TBC1D31: variants seen among roughly 807,000 people sequenced by gnomAD.
TBC1D31 encodes the protein WD repeat domain 67.
TBC1D31 carries 99 observed loss-of-function variants against 132.9 expected under a neutral mutation model. The ratio of observed to expected loss-of-function variants is 0.74; its 90% CI spans 0.63 to 0.88. TBC1D31 has a LOEUF of 0.88. TBC1D31 is among the 40% of genes least tolerant of loss of function. The pLI, the probability that TBC1D31 is intolerant of heterozygous loss-of-function variation, is 0.00. For synonymous variants in TBC1D31, 385 were observed against 419.4 expected (o/e 0.92, Z 1.00); for missense variants, 1,134 against 1,256.6 (o/e 0.90, Z 1.48).
chr8:123,149,270 ATTACT>A (rs1822552568), intron 20 of TBC1D31, among the ~76,000 whole-genome samples: 1 of 152,196 alleles, frequency 6.6e-6, no homozygotes, highest in African/African-American at 2.4e-5. Flanking sequence ...GATTAGTCAC[ATTACT>A]TTAATGACTC....
rs1270723724 is a variant in TBC1D31 at position 123,140,912 on chromosome 8, G to T, written c.2640+11G>T. 1 of 1,612,390 alleles carries T rather than the reference G, an allele frequency of 6.2e-7. No individual in the cohort carries two copies. The highest frequency in any genetic ancestry group is 8.5e-7 in the Non-Finnish European group (1 of 1,179,330). On this transcript the variant is annotated intron_variant, in intron 18 of 21. Coordinates refer to ENST00000287380, the MANE Select transcript of TBC1D31 (RefSeq NM_145647.4). ...CAGAAAACTCAGAAGGTAAAAATAT[G>T]ATCCATTTAGTATACATGCAGAGGA... is the stretch of plus-strand genomic sequence containing the variant.
chr8:123,090,707 C>T (rs534550684), intron 4 of TBC1D31, among the ~76,000 whole-genome samples: 3 of 152,094 alleles, frequency 2.0e-5, no homozygotes, highest in Admixed American at 6.5e-5. Context: ...CCAAGGCAGG[C>T]GGATCACTTG....
downstream of TBC1D31, among the ~76,000 whole-genome samples, chr8:123,155,285 G>GA (rs1822959482): frequency 6.6e-6 from 1 of 152,148 alleles, no homozygotes; most frequent in African/African-American, 2.4e-5. This position sits in a 1 kb window ranked among gnomAD's most constrained non-coding sequence, Gnocchi z 4.1. Context: ...CCCCAAACCT[G>GA]AAAAACTCTG....
At position 123,134,546 on chromosome 8, in the gene TBC1D31, AAAG is replaced by A. The variant is rs1420227376; in HGVS notation, c.2499+343_2499+345del. Among the ~76,000 whole-genome samples, 6 of 152,176 alleles carry A rather than the reference AAAG, an allele frequency of 3.9e-5. No homozygotes were observed. The East Asian group carries it at 1.2e-3, about 29-fold the overall frequency. On this transcript the variant is annotated intron_variant, in intron 17 of 21. Coordinates refer to ENST00000287380, the MANE Select transcript of TBC1D31 (RefSeq NM_145647.4). Reference sequence around the variant, plus strand: ...CTATCTCCAAAAAAAAAAGAAGGAAAAAGAAAAGCAGGGTTTGTATAAGCCCAT... The same window carrying A: ...CTATCTCCAAAAAAAAAAGAAGGAAAAAAAGCAGGGTTTGTATAAGCCCAT...
intron 1 of TBC1D31, among the ~76,000 whole-genome samples, chr8:123,076,099 G>A (rs1037597002): frequency 6.6e-6 from 1 of 151,856 alleles, no homozygotes; most frequent in Non-Finnish European, 1.5e-5. Context: ...TTCCCTATAC[G>A]TATTTTTCTT....
chr8:123,079,677 C>T (rs1199398443), intron 2 of TBC1D31, among the ~76,000 whole-genome samples: 1 of 152,206 alleles, frequency 6.6e-6, no homozygotes, highest in Non-Finnish European at 1.5e-5. Context: ...CTATTCTCCA[C>T]CAAGTGTTGC....
At chr8:123,095,825 C>G (rs1816783149) in intron 5 of TBC1D31, among the ~76,000 whole-genome samples, 1 of 152,080 alleles carries the variant, frequency 6.6e-6, no homozygotes, top group South Asian at 2.1e-4. Flanking sequence ...ATTTCAAGAC[C>G]CTAATCCGGA....
At position 123,109,491 on chromosome 8, in the gene TBC1D31, C is replaced by T. The variant is rs186509486; in HGVS notation, c.1307C>T (p.Ser436Phe). The change falls in exon 10 of 22, where the codon TCT becomes TTT. Residue 436 changes from serine to phenylalanine, a missense_variant. Transcript: ENST00000287380. Reference protein sequence around the residue: ...PTKYRMFIWRSLLQLPENHTA... With the variant: ...PTKYRMFIWRFLLQLPENHTA... Reference sequence around the variant, plus strand: ...TATTTCAGAATGTTCATTTGGCGCTCTCTGCTACAACTGCCTGAAAATCAT... The same window carrying T: ...TATTTCAGAATGTTCATTTGGCGCTTTCTGCTACAACTGCCTGAAAATCAT... 1.2e-6 allele frequency: 2 copies of T among 1,613,114 alleles called. No homozygotes were observed. The highest frequency in any genetic ancestry group is 2.7e-5 in the African/African-American group (2 of 74,850).
chr8:123,163,007 T>G, the TBC1D31 span, among the ~76,000 whole-genome samples: 1 of 152,040 alleles, frequency 6.6e-6, no homozygotes, highest in Non-Finnish European at 1.5e-5. Flanking sequence ...ATTTTTGTAT[T>G]TTTAGTAGAA....
intron 10 of TBC1D31, among the ~76,000 whole-genome samples, chr8:123,111,728 ATATAAC>A (rs1393160965): frequency 2.6e-5 from 4 of 152,198 alleles, no homozygotes; most frequent in African/African-American, 7.2e-5. Flanking sequence ...AATAAAAACT[ATATAAC>A]TATAAATAAT....
chr8:123,104,517 G>T (rs1261022686), intron 7 of TBC1D31, among the ~76,000 whole-genome samples: 1 of 152,106 alleles, frequency 6.6e-6, no homozygotes, highest in Non-Finnish European at 1.5e-5. Flanking sequence ...AACTGTAAAT[G>T]GTCATTGTGT....
intron 1 of TBC1D31, among the ~76,000 whole-genome samples, chr8:123,074,017 C>T (rs1460566098): frequency 6.9e-6 from 1 of 145,792 alleles, no homozygotes; most frequent in East Asian, 2.1e-4. Context: ...CCTTTGGTTG[C>T]TTCTTGACAA....
chr8:123,128,166 C>T, intron 13 of TBC1D31, 115 bp from the exon 14 acceptor site: 1 of 504,046 alleles, frequency 2.0e-6, no homozygotes, highest in South Asian at 4.0e-5. Flanking sequence ...AATGAATTTG[C>T]AAAAAAATAT....
At chr8:123,079,802 A>C (rs1814948271) in intron 2 of TBC1D31, among the ~76,000 whole-genome samples, 1 of 152,124 alleles carries the variant, frequency 6.6e-6, no homozygotes, top group African/African-American at 2.4e-5. Flanking sequence ...CTCCTTCCCC[A>C]TTGCAGCCTC....
chr8:123,127,301 C>T (rs1213171824), intron 13 of TBC1D31, among the ~76,000 whole-genome samples: 6 of 111,578 alleles, frequency 5.4e-5, no homozygotes, highest in African/African-American at 1.2e-4. Flanking sequence ...GACAGAGTCT[C>T]GCTCTGTTGC....
rs778498085 is a variant in TBC1D31 at position 123,151,896 on chromosome 8, G to A, written c.3158G>A (p.Arg1053Gln). The change falls in exon 22 of 22, where the codon CGG becomes CAG. Residue 1053 changes from arginine to glutamine, a missense_variant. Arg to Gln is a conservative substitution (Grantham distance 43, BLOSUM62 1). Coordinates refer to ENST00000287380, the MANE Select transcript of TBC1D31 (RefSeq NM_145647.4). ...VRNLRQRLTA[R>Q]ARHRCQTPHL... The stretch of plus-strand genomic sequence containing the variant: ...AATCTTCGCCAGAGACTCACTGCCC[G>A]GGCTCGTCACAGATGTCAAACCCCT... 1.1e-5 allele frequency: 18 copies of A among 1,587,646 alleles called. No individual in the cohort carries two copies. The highest frequency in any genetic ancestry group is 5.5e-5 in the Admixed American group (3 of 54,462).
intron 11 of TBC1D31, among the ~76,000 whole-genome samples, chr8:123,121,029 C>G (rs1819430442): frequency 6.7e-6 from 1 of 149,630 alleles, no homozygotes; most frequent in South Asian, 2.1e-4. Context: ...GTAGTGCTCA[C>G]TGCAACCTCC....
intron 2 of TBC1D31, among the ~76,000 whole-genome samples, chr8:123,081,804 G>C (rs562656701): frequency 6.6e-6 from 1 of 152,300 alleles, no homozygotes; most frequent in South Asian, 2.1e-4. Flanking sequence ...GATCTCATGA[G>C]ATTTATTCAC....
chr8:123,140,914 T>G lies in TBC1D31; in HGVS notation c.2640+13T>G. 1 of 1,612,354 alleles carries G rather than the reference T, an allele frequency of 6.2e-7. No individual in the cohort carries two copies. ...GAAAACTCAGAAGGTAAAAATATGA[T>G]CCATTTAGTATACATGCAGAGGAGA... On this transcript the variant is annotated intron_variant, in intron 18 of 21. Coordinates refer to ENST00000287380, the MANE Select transcript of TBC1D31 (RefSeq NM_145647.4).
Sources: allele counts gnomAD v4.1 joint callset (sites outside exome capture counted in the v4.1 genomes callset), GRCh38; gene constraint gnomAD v4.1.1; non-coding constraint Gnocchi (gnomAD v3.1); transcripts MANE v1.5; gene names NCBI Gene and HGNC (gene_info 2026-07-23, HGNC 2026-07-21).